SDC2: variants seen among roughly 807,000 people sequenced by gnomAD.
SDC2 encodes the protein syndecan 2.
A neutral mutation model predicts 22.2 loss-of-function variants in SDC2; 13 were observed. The observed-to-expected ratio is 0.59, with a 90% confidence interval of 0.38 to 0.93. The LOEUF is 0.93. Among genes scored for constraint, SDC2 ranks in the 40% least tolerant of loss-of-function variants. The pLI is 0.00. For missense variants in SDC2, 235 were observed against 246.8 expected (o/e 0.95, Z 0.32); for synonymous variants, 94 against 92.8 (o/e 1.01, Z -0.07).
At chr8:96,555,086 T>G (rs1333835556) in intron 1 of SDC2, among the ~76,000 whole-genome samples, 1 of 151,996 alleles carries the variant, frequency 6.6e-6, no homozygotes, top group African/African-American at 2.4e-5. Context: ...TGCTTGGAAC[T>G]CTTTTTCTGC....
In SDC2 at chr8:96,558,816, A is replaced by G. The variant is rs373179313; in HGVS notation, c.61-34664A>G. Among the ~76,000 whole-genome samples, 332 of 144,656 alleles carry G rather than the reference A, an allele frequency of 2.3e-3. 1 individual carries two copies. The highest frequency in any genetic ancestry group is 8.2e-3 in the African/African-American group (316 of 38,360). The allele number at this position is 144,656 out of a possible 152,430, so 94.9% of individuals were successfully genotyped here. A position where few individuals can be genotyped will look rare whatever the true frequency, so the allele number is the denominator to read the frequency against. ...ACTTTCCAGTAGATAATCACATTTG[A>G]ATATGTGTGTGTGTGTGTGTCTAAT... On this transcript the variant is annotated intron_variant, in intron 1 of 4. Transcript: ENST00000302190.
intron 1 of SDC2, among the ~76,000 whole-genome samples, chr8:96,562,391 C>T (rs1563662446): frequency 6.6e-6 from 1 of 152,160 alleles, no homozygotes; most frequent in Non-Finnish European, 1.5e-5. Context: ...GGCTGCCTCC[C>T]CTGCTTGCCC....
At chr8:96,528,379 A>G (rs2589212) in intron 1 of SDC2, among the ~76,000 whole-genome samples, 27,455 of 152,136 alleles carry the variant, frequency 0.18, 2,675 homozygotes, top group Middle Eastern at 0.26. Flanking sequence ...TCACTAGAAC[A>G]GAAAAATGTC....
chr8:96,500,611 G>A (rs907690154), intron 1 of SDC2, among the ~76,000 whole-genome samples: 17 of 143,816 alleles, frequency 1.2e-4, no homozygotes, highest in Middle Eastern at 3.9e-3. Context: ...GCAATGAGCC[G>A]AGATCATGCC....
At chr8:96,522,154 G>A (rs1813506510) in intron 1 of SDC2, among the ~76,000 whole-genome samples, 1 of 152,080 alleles carries the variant, frequency 6.6e-6, no homozygotes. Context: ...TGGGATTTTG[G>A]TTATATCTAT....
At chr8:96,548,160 T>A (rs6468510) in intron 1 of SDC2, among the ~76,000 whole-genome samples, 29,192 of 152,182 alleles carry the variant, frequency 0.19, 3,266 homozygotes, top group East Asian at 0.34. Flanking sequence ...AGTTGAAATA[T>A]CTACTATTTG....
intron 1 of SDC2, among the ~76,000 whole-genome samples, chr8:96,527,204 G>C (rs994948531): frequency 4.0e-5 from 6 of 151,728 alleles, no homozygotes; most frequent in Non-Finnish European, 5.9e-5. Flanking sequence ...CCGTGCTTAG[G>C]GACAGGTTTG....
At chr8:96,599,403 A>G (rs975493427) in intron 2 of SDC2, among the ~76,000 whole-genome samples, 1 of 152,216 alleles carries the variant, frequency 6.6e-6, no homozygotes, top group Admixed American at 6.5e-5. Context: ...TTCATTTCTC[A>G]TTGAAGTTTT....
At chr8:96,597,908 C>T (rs535650331) in intron 2 of SDC2, among the ~76,000 whole-genome samples, 1 of 152,116 alleles carries the variant, frequency 6.6e-6, no homozygotes, top group Non-Finnish European at 1.5e-5. Context: ...TCTGTGTTTC[C>T]AAATTCATAC....
chr8:96,587,412 TA>T (rs1233469279), intron 1 of SDC2, among the ~76,000 whole-genome samples: 1 of 152,210 alleles, frequency 6.6e-6, no homozygotes, highest in Non-Finnish European at 1.5e-5. Flanking sequence ...TAAGTGCTAG[TA>T]AAGACAACAG....
intron 1 of SDC2, among the ~76,000 whole-genome samples, chr8:96,574,410 G>A (rs1249261961): frequency 1.3e-5 from 2 of 152,194 alleles, no homozygotes; most frequent in Non-Finnish European, 2.9e-5. Context: ...TCAAATATAT[G>A]CCAGCAGCAG....
intron 1 of SDC2, among the ~76,000 whole-genome samples, chr8:96,579,672 A>T (rs567302078): frequency 2.0e-5 from 3 of 152,230 alleles, no homozygotes; most frequent in Non-Finnish European, 4.4e-5. Flanking sequence ...TCTTTAAGCT[A>T]TTGTCATCTG....
chr8:96,589,179 C>T (rs1340145839), intron 1 of SDC2, among the ~76,000 whole-genome samples: 3 of 152,134 alleles, frequency 2.0e-5, no homozygotes, highest in Non-Finnish European at 2.9e-5. Flanking sequence ...GCCTAAATCA[C>T]CATCGCTGTC....
At chr8:96,543,685 A>G (rs193131170) in intron 1 of SDC2, among the ~76,000 whole-genome samples, 1 of 152,258 alleles carries the variant, frequency 6.6e-6, no homozygotes, top group African/African-American at 2.4e-5. Context: ...GTGTCTTTCC[A>G]TTTCTCTTTG....
At chr8:96,540,503 C>T (rs536514086) in intron 1 of SDC2, among the ~76,000 whole-genome samples, 5 of 108,250 alleles carry the variant, frequency 4.6e-5, no homozygotes, top group East Asian at 2.3e-4. Flanking sequence ...AGTGAGACCC[C>T]GCCTCCAAAA....
intron 1 of SDC2, among the ~76,000 whole-genome samples, chr8:96,542,295 C>T (rs1813863533): frequency 1.3e-5 from 2 of 152,152 alleles, no homozygotes; most frequent in South Asian, 4.1e-4. Flanking sequence ...GCATGTATCT[C>T]CCATTTTATA....
intron 1 of SDC2, among the ~76,000 whole-genome samples, chr8:96,578,061 G>T (rs1246246801): frequency 6.6e-6 from 1 of 152,246 alleles, no homozygotes; most frequent in Admixed American, 6.5e-5. Flanking sequence ...AAATGACCTA[G>T]TTAGATGGAC....
At chr8:96,498,374 T>G (rs1348032353) in intron 1 of SDC2, among the ~76,000 whole-genome samples, 1 of 152,066 alleles carries the variant, frequency 6.6e-6, no homozygotes. Context: ...CACTTAAAGA[T>G]GCAGCACCAA....
At chr8:96,577,871 G>A (rs953875717) in intron 1 of SDC2, among the ~76,000 whole-genome samples, 1 of 152,116 alleles carries the variant, frequency 6.6e-6, no homozygotes, top group African/African-American at 2.4e-5. Context: ...TTCACTTAGC[G>A]ATGTGCCTTT....
Sources: allele counts gnomAD v4.1 joint callset (sites outside exome capture counted in the v4.1 genomes callset), GRCh38; gene constraint gnomAD v4.1.1; transcripts MANE v1.5; gene names NCBI Gene and HGNC (gene_info 2026-07-23, HGNC 2026-07-21).